Variants in SDK1 observed in about 807,000 individuals in gnomAD.
SDK1 encodes sidekick cell adhesion molecule 1.
Under a neutral mutation model 245.5 loss-of-function variants are expected in SDK1, and 157 were observed. The ratio of observed to expected loss-of-function variants is 0.64; its 90% confidence interval spans 0.56 to 0.73. The LOEUF (loss-of-function observed/expected upper bound fraction) is 0.73, where lower values mean the gene tolerates loss of function less well. SDK1 is among the 30% of genes least tolerant of loss of function. The probability of loss-of-function intolerance (pLI) is 0.00; values close to 1 mark genes in which losing one functional copy is unlikely to be tolerated. For synonymous variants in SDK1, 1,647 were observed against 1,278.5 expected, an observed-to-expected ratio of 1.29 and a Z score of -6.15; for missense variants, 3,583 against 3,002.3, an observed-to-expected ratio of 1.19 and a Z score of -4.52.
At chr7:3,807,987 C>A (rs1779293047) in intron 4 of SDK1, among the ~76,000 whole-genome samples, 1 of 152,186 alleles carries the variant, frequency 6.6e-6, no homozygotes, top group South Asian at 2.1e-4. Flanking sequence ...CTGACCTGCG[C>A]ATTGGTGCTG....
At chr7:3,901,937 A>G (rs1781804237) in intron 5 of SDK1, among the ~76,000 whole-genome samples, 1 of 152,104 alleles carries the variant, frequency 6.6e-6, no homozygotes, top group Non-Finnish European at 1.5e-5. Flanking sequence ...GCTGCTGGGC[A>G]TGGTTTCAGA....
At chr7:4,100,354 G>T (rs1261703699) in intron 22 of SDK1, among the ~76,000 whole-genome samples, 1 of 152,174 alleles carries the variant, frequency 6.6e-6, no homozygotes, top group Admixed American at 6.5e-5. Context: ...AGGGCATGGG[G>T]TTGAGCGGGA....
At chr7:4,224,741 G>A (rs946614393) in intron 40 of SDK1, among the ~76,000 whole-genome samples, 2 of 152,034 alleles carry the variant, frequency 1.3e-5, no homozygotes, top group Non-Finnish European at 2.9e-5. Flanking sequence ...AGCACTTTGG[G>A]AGGCCGAGGT....
chr7:3,397,757 C>A (rs375857493), intron 1 of SDK1, among the ~76,000 whole-genome samples: 8 of 152,088 alleles, frequency 5.3e-5, no homozygotes, highest in Non-Finnish European at 8.8e-5. Flanking sequence ...AGTGTTTTTG[C>A]GGTTTTTAAA....
chr7:3,492,965 T>G (rs1457132143), intron 1 of SDK1, among the ~76,000 whole-genome samples: 1 of 152,200 alleles, frequency 6.6e-6, no homozygotes, highest in Non-Finnish European at 1.5e-5. Context: ...TTTTTCTATT[T>G]TTTGAGACGG....
intron 5 of SDK1, among the ~76,000 whole-genome samples, chr7:3,938,645 CAAA>C (rs559065786): frequency 6.6e-5 from 6 of 90,538 alleles, no homozygotes; most frequent in South Asian, 3.2e-4. Flanking sequence ...GACTCCGTCT[CAAA>C]AAAAAAAAAA....
intron 1 of SDK1, among the ~76,000 whole-genome samples, chr7:3,510,723 A>G (rs1263405197): frequency 1.3e-5 from 2 of 152,132 alleles, no homozygotes; most frequent in African/African-American, 4.8e-5. Flanking sequence ...CTCAGAGAGA[A>G]CAGATGATAG....
intron 1 of SDK1, among the ~76,000 whole-genome samples, chr7:3,508,458 G>C (rs1782467883): frequency 1.3e-5 from 2 of 151,614 alleles, no homozygotes; most frequent in African/African-American, 4.9e-5. Context: ...CTCCTGAGTA[G>C]CTGGGATTAC....
At chr7:3,959,480 A>T (rs544213838) in intron 8 of SDK1, among the ~76,000 whole-genome samples, 30 of 152,322 alleles carry the variant, frequency 2.0e-4, no homozygotes, top group African/African-American at 6.3e-4. Context: ...TGTTCCACTG[A>T]TGTATTGCAC....
intron 40 of SDK1, among the ~76,000 whole-genome samples, chr7:4,223,889 A>G (rs1343660209): frequency 2.0e-5 from 3 of 152,126 alleles, no homozygotes; most frequent in Non-Finnish European, 4.4e-5. Flanking sequence ...TGCTGTTTAG[A>G]TGTGTCCTTA....
At chr7:4,015,477 A>G (rs1230784744) in intron 16 of SDK1, among the ~76,000 whole-genome samples, 2 of 152,164 alleles carry the variant, frequency 1.3e-5, no homozygotes, top group Non-Finnish European at 2.9e-5. Flanking sequence ...TTAAGCGTTC[A>G]TCTTTTGTAG....
intron 1 of SDK1, chr7:3,337,883 A>T (rs1780244285): frequency 6.6e-6 from 1 of 152,244 alleles, no homozygotes; most frequent in Non-Finnish European, 1.5e-5. Context: ...ACCCTTAAAA[A>T]CTAGGTAAAA....
chr7:3,820,300 C>T (rs1779612505), intron 4 of SDK1, among the ~76,000 whole-genome samples: 1 of 152,172 alleles, frequency 6.6e-6, no homozygotes, highest in Admixed American at 6.5e-5. Flanking sequence ...CAGGCGTGTG[C>T]CACCACGCCG....
At position 4,187,755 on chromosome 7, in the gene SDK1, G is replaced by A. The variant is rs186385809; in HGVS notation, c.5098+9169G>A. Among the ~76,000 whole-genome samples the A allele has an allele frequency of 4.6e-5, 7 of 152,288 alleles. No individual in the cohort carries two copies. In the East Asian group the frequency reaches 1.4e-3, roughly 29 times the overall value. ...TTGGGGTTCTGGGAAGGGAACACAA[G>A]GGGAACGTTTTTATGGTGTGAATGT... On this transcript the variant is annotated intron_variant, in intron 35 of 44. Transcript: ENST00000404826.
Position 4,111,937 on chromosome 7 carries a change from G to A in SDK1, c.3434+1165G>A, listed in dbSNP as rs573625466. 5.3e-5 allele frequency among the ~76,000 whole-genome samples: 8 copies of A among 152,282 alleles called. No individual in the cohort carries two copies. In the East Asian group the frequency reaches 5.8e-4, roughly 11 times the overall value. ...ACCTTCATTTTATAGTTAAGGAAAC[G>A]GAGATCATCTGATTTGCTGTAAGTC... On this transcript the variant is annotated intron_variant, in intron 23 of 44. Transcript: ENST00000404826.
At chr7:3,587,949 T>A (rs1020508816) in intron 1 of SDK1, among the ~76,000 whole-genome samples, 4 of 152,252 alleles carry the variant, frequency 2.6e-5, no homozygotes, top group Non-Finnish European at 5.9e-5. Flanking sequence ...GGTTCATTGA[T>A]CCAATAGACT....
chr7:3,382,733 CA>C (rs1350280988), intron 1 of SDK1, among the ~76,000 whole-genome samples: 1 of 151,986 alleles, frequency 6.6e-6, no homozygotes, highest in African/African-American at 2.4e-5. Context: ...GAAATATTGG[CA>C]AAACATAGAG....
At chr7:3,850,200 A>C (rs1052496835) in intron 5 of SDK1, among the ~76,000 whole-genome samples, 4 of 152,224 alleles carry the variant, frequency 2.6e-5, no homozygotes, top group African/African-American at 7.2e-5. Context: ...CTCATCAGGC[A>C]CATGGCTTTG....
chr7:4,205,607 T>G (rs1161774427), intron 35 of SDK1, among the ~76,000 whole-genome samples: 1 of 152,226 alleles, frequency 6.6e-6, no homozygotes, highest in Non-Finnish European at 1.5e-5. Context: ...TTCTATATAT[T>G]TTATTGTATG....
Sources: allele counts gnomAD v4.1 joint callset (sites outside exome capture counted in the v4.1 genomes callset), GRCh38; gene constraint gnomAD v4.1.1; transcripts MANE v1.5; gene names NCBI Gene and HGNC (gene_info 2026-07-23, HGNC 2026-07-21).